The following RAB3IL1 variants were observed in gnomAD, a reference collection of about 807,000 sequenced individuals.
RAB3IL1 encodes RAB3A interacting protein like 1.
A neutral mutation model predicts 49.2 loss-of-function variants in RAB3IL1; 37 were observed. The ratio of observed to expected loss-of-function variants is 0.75; its 90% CI spans 0.58 to 0.99. RAB3IL1 has a LOEUF of 0.99. RAB3IL1 is among the 50% of genes least tolerant of loss of function. The pLI is 0.00. For synonymous variants in RAB3IL1, 193 were observed against 213.9 expected, an observed-to-expected ratio of 0.90 and a Z score of 0.85; for missense variants, 484 against 513.0, an observed-to-expected ratio of 0.94 and a Z score of 0.55.
the RAB3IL1 span, among the ~76,000 whole-genome samples, chr11:61,942,637 G>T: frequency 6.6e-6 from 1 of 151,954 alleles, no homozygotes; most frequent in Non-Finnish European, 1.5e-5. Flanking sequence ...ATTACAGCTA[G>T]TAAATAAATT....
chr11:61,939,836 TAGTCCC>T, the RAB3IL1 span, among the ~76,000 whole-genome samples: 1 of 152,070 alleles, frequency 6.6e-6, no homozygotes, highest in Non-Finnish European at 1.5e-5. Flanking sequence ...CACATGTCTG[TAGTCCC>T]AGTTATTTGA....
At chr11:61,923,129 G>A (rs758468045), upstream of RAB3IL1, among the ~76,000 whole-genome samples, 1 of 152,214 alleles carries the variant, frequency 6.6e-6, no homozygotes, top group Non-Finnish European at 1.5e-5. Context: ...GGAAAAACCT[G>A]TTATGTTTCT....
rs759531000 is a variant in RAB3IL1, at chr11:61,898,831, T to C, written c.1067-471A>G. 2 of 467,698 alleles carry C rather than the reference T, an allele frequency of 4.3e-6. No homozygotes were observed. The highest frequency in any genetic ancestry group is 2.0e-5 in the African/African-American group (1 of 50,560). 29.0% of individuals were successfully genotyped at this position (467,698 alleles called of 1,614,324 possible). A position where few individuals can be genotyped will look rare whatever the true frequency, so the allele number is the denominator to read the frequency against. On this transcript the variant is annotated intron_variant, in intron 9 of 9. Transcript: ENST00000394836. The surrounding 1 kb of genome is among the most constrained non-coding windows in gnomAD (Gnocchi z 5.1). The stretch of plus-strand genomic sequence containing the variant: ...CTTGACCCCCAGGATGGAGAGGAGA[T>C]AGCTCCTTACTCAGAGGGTCGGGCC...
chr11:61,901,485 C>T (rs1938913362), intron 8 of RAB3IL1, among the ~76,000 whole-genome samples: 2 of 152,284 alleles, frequency 1.3e-5, no homozygotes, highest in African/African-American at 2.4e-5. Context: ...TCAGGAGCCC[C>T]GCACTCTAAC....
the RAB3IL1 span, among the ~76,000 whole-genome samples, chr11:61,942,703 A>T: frequency 6.6e-6 from 1 of 152,216 alleles, no homozygotes; most frequent in South Asian, 2.1e-4. Context: ...ATTTCCATAC[A>T]TTAGCAATAA....
At chr11:61,943,608 TAAC>T in the RAB3IL1 span, among the ~76,000 whole-genome samples, 1 of 152,150 alleles carries the variant, frequency 6.6e-6, no homozygotes, top group Non-Finnish European at 1.5e-5. Flanking sequence ...TAAATAATTC[TAAC>T]AACAACAAGA....
At chr11:61,902,235 G>GGAGGCAGACAGAA (rs1938952269) in intron 8 of RAB3IL1, among the ~76,000 whole-genome samples, 1 of 152,236 alleles carries the variant, frequency 6.6e-6, no homozygotes, top group Admixed American at 6.5e-5. Flanking sequence ...AATTGCTAAT[G>GGAGGCAGACAGAA]TCTGCCTGGG....
At position 61,906,795 on chromosome 11, in the gene RAB3IL1, A is replaced by G. The variant is rs1939216146; in HGVS notation, c.439-111T>C. 1 of 1,025,624 alleles carries G rather than the reference A, an allele frequency of 9.8e-7. No individual in the cohort carries two copies. The highest frequency in any genetic ancestry group is 1.5e-6 in the Non-Finnish European group (1 of 679,946). The allele number at this position is 1,025,624 out of a possible 1,614,324, so 63.5% of individuals were successfully genotyped here. On this transcript the variant is annotated intron_variant, in intron 4 of 9. Coordinates refer to ENST00000394836, the MANE Select transcript of RAB3IL1 (RefSeq NM_013401.4). The surrounding 1 kb of genome is among the most constrained non-coding windows in gnomAD (Gnocchi z 4.6). ...TGCACCCCTGCAGTGACAGGCACTT[A>G]GTCCCACCCGACGCCCTCAGAACAG...
At chr11:61,911,349 G>T (rs1247290786) in intron 1 of RAB3IL1, among the ~76,000 whole-genome samples, 1 of 152,196 alleles carries the variant, frequency 6.6e-6, no homozygotes, top group Middle Eastern at 3.2e-3. Context: ...CCCTTGGAGG[G>T]TAGCCAGAAT....
upstream of RAB3IL1, among the ~76,000 whole-genome samples, chr11:61,920,792 G>A (rs893473953): frequency 2.7e-5 from 4 of 149,848 alleles, no homozygotes; most frequent in Admixed American, 6.6e-5. Flanking sequence ...GCATGGTGGC[G>A]CATGCCTGTA....
rs950495980 is a variant in RAB3IL1, at chr11:61,898,910, G to A, written c.1066+404C>T. ...GAGCAAAGGTTGGTGGAGGAGCGGG[G>A]AGCCAGGCCTTGCAGAATGGGCTGT... On this transcript the variant is annotated intron_variant, in intron 9 of 9. Coordinates refer to ENST00000394836, the MANE Select transcript of RAB3IL1 (RefSeq NM_013401.4). The surrounding 1 kb of genome is among the most constrained non-coding windows in gnomAD (Gnocchi z 5.1). 1 of 478,530 alleles carries A rather than the reference G, an allele frequency of 2.1e-6. No homozygotes were observed. The highest frequency in any genetic ancestry group is 4.1e-6 in the Non-Finnish European group (1 of 242,268). 29.6% of individuals were successfully genotyped at this position (478,530 alleles called of 1,614,324 possible). A position where few individuals can be genotyped will look rare whatever the true frequency, so the allele number is the denominator to read the frequency against.
chr11:61,923,234 C>T (rs565118268), upstream of RAB3IL1, among the ~76,000 whole-genome samples: 27 of 152,316 alleles, frequency 1.8e-4, no homozygotes, highest in South Asian at 5.6e-3. Flanking sequence ...AGAAAAGGCC[C>T]GATTGTCTCT....
chr11:61,906,616 G>A lies in RAB3IL1; in HGVS notation c.507C>T (p.Pro169=), dbSNP rs773642998. 1 of 1,611,658 alleles carries A rather than the reference G, an allele frequency of 6.2e-7. No homozygotes were observed. Among genetic ancestry groups the A allele is most frequent in the Non-Finnish European group, 8.5e-7 (1 of 1,179,220 alleles). ...TLVITSTPAS[P]NRELHPQLLS... Reference sequence around the variant, plus strand: ...GCAGCTGGGGGTGAAGCTCGCGGTTGGGAGAGGCTGGTGTGGACGTGATGA... The same window carrying A: ...GCAGCTGGGGGTGAAGCTCGCGGTTAGGAGAGGCTGGTGTGGACGTGATGA... The change falls in exon 5 of 10, where the codon CCC becomes CCT. Residue 169 remains proline, a synonymous_variant. Transcript: ENST00000394836. The surrounding 1 kb of genome is among the most constrained non-coding windows in gnomAD (Gnocchi z 4.6).
At chr11:61,920,438 AG>A (rs971951332), upstream of RAB3IL1, among the ~76,000 whole-genome samples, 19 of 131,600 alleles carry the variant, frequency 1.4e-4, no homozygotes, top group African/African-American at 5.1e-4. Context: ...GGGCCAGGGG[AG>A]GTGAGACACC....
In RAB3IL1 at chr11:61,917,358, C is replaced by A. The variant is rs1047821194; in HGVS notation, c.10G>T (p.Gly4Cys). 3.1e-6 allele frequency: 4 copies of A among 1,272,450 alleles called. No individual in the cohort carries two copies. The highest frequency in any genetic ancestry group is 4.0e-6 in the Non-Finnish European group (4 of 1,010,964). The allele number at this position is 1,272,450 out of a possible 1,614,324, so 78.8% of individuals were successfully genotyped here. ...GACCGCGAGCGCGCGCGGACCTACC[C>A]GCTCCACATCCCGGCGCCTCGGGGC... MWSGPPQPDQGLPP... is the reference protein window; with the variant it reads MWSCPPQPDQGLPP... Residue 4 changes from glycine (G) to cysteine (C), a missense_variant and splice_region_variant, in exon 1 of 10, where the codon GGC becomes TGC. Physicochemically the swap from Gly to Cys is radical, Grantham distance 159. Coordinates refer to ENST00000394836, the MANE Select transcript of RAB3IL1 (RefSeq NM_013401.4).
intron 8 of RAB3IL1, among the ~76,000 whole-genome samples, chr11:61,900,258 G>A (rs1037342221): frequency 6.6e-6 from 1 of 152,220 alleles, no homozygotes; most frequent in Non-Finnish European, 1.5e-5. Flanking sequence ...ATTCTCCTGG[G>A]AGCTGCACAC....
intron 8 of RAB3IL1, among the ~76,000 whole-genome samples, chr11:61,900,106 G>A (rs1938827499): frequency 6.6e-6 from 1 of 152,224 alleles, no homozygotes. Context: ...GACCTCAGCC[G>A]ATGACTGACT....
At chr11:61,917,661 C>G, upstream of RAB3IL1, 1 of 750,830 alleles carries the variant, frequency 1.3e-6, no homozygotes, top group Non-Finnish European at 1.6e-6. Context: ...AAGGCCTGGC[C>G]CCACCCGGCC....
At chr11:61,920,233 G>T, upstream of RAB3IL1, 1 of 1,241,948 alleles carries the variant, frequency 8.1e-7, no homozygotes, top group South Asian at 3.6e-5. Flanking sequence ...GAGGGTGCCG[G>T]GAAGGGAGGT....
Sources: gnomAD v4.1 joint callset for allele counts (sites outside exome capture counted in the v4.1 genomes callset) on GRCh38, gnomAD v4.1.1 for gene constraint, Gnocchi (gnomAD v3.1) non-coding constraint, MANE v1.5 for transcripts, NCBI Gene and HGNC (gene_info 2026-07-23, HGNC 2026-07-21) for gene names.